ATP10B: variants seen among roughly 807,000 people sequenced by gnomAD.
ATP10B encodes ATPase phospholipid transporting 10B (putative).
Under a neutral mutation model 141.2 loss-of-function variants are expected in ATP10B, and 122 were observed. The observed-to-expected ratio is 0.86, with a 90% CI of 0.75 to 1.00. The LOEUF is 1.00. Among genes scored for constraint, ATP10B ranks in the 50% least tolerant of loss-of-function variants. ATP10B has a pLI of 0.00. For missense variants in ATP10B, 1,876 were observed against 1,825.3 expected (o/e 1.03, Z -0.51); for synonymous variants, 685 against 692.0 (o/e 0.99, Z 0.16).
intron 2 of ATP10B, among the ~76,000 whole-genome samples, chr5:160,763,154 C>A (rs1364004601): frequency 2.0e-5 from 3 of 152,050 alleles, no homozygotes; most frequent in Admixed American, 1.3e-4. Flanking sequence ...CTAGACGGGA[C>A]ATCAAGACAA....
intron 2 of ATP10B, among the ~76,000 whole-genome samples, chr5:160,744,931 A>T (rs1767703472): frequency 6.6e-6 from 1 of 152,138 alleles, no homozygotes; most frequent in African/African-American, 2.4e-5. Context: ...CAGGGTGAGG[A>T]GCTGAGCAGC....
rs752867864 is a variant in ATP10B at position 160,620,384 on chromosome 5, G to A, written c.2379C>T (p.Asp793=). Residue 793 remains aspartate, a synonymous_variant, in exon 15 of 26, where the codon GAC becomes GAT. Coordinates refer to ENST00000327245, the MANE Select transcript of ATP10B (RefSeq NM_025153.3). The part of the protein sequence containing the change: ...GEIVVYTKGA[D]SVIMDLLEDP... ...CTTCCAGCAGGTCCATGATGACCGA[G>A]TCAGCACCCTTGGTGTAGACAACAA... 2 of 1,613,824 alleles carry A rather than the reference G, an allele frequency of 1.2e-6. No homozygotes were observed.
At chr5:160,701,042 T>A (rs1164965776) in intron 3 of ATP10B, among the ~76,000 whole-genome samples, 1 of 152,204 alleles carries the variant, frequency 6.6e-6, no homozygotes, top group East Asian at 1.9e-4. Flanking sequence ...CTGGACCCAT[T>A]GCCACACACC....
chr5:160,759,326 AT>A (rs1218199556), intron 2 of ATP10B, among the ~76,000 whole-genome samples: 1 of 152,210 alleles, frequency 6.6e-6, no homozygotes, highest in Non-Finnish European at 1.5e-5. Context: ...TGGAATGACG[AT>A]TGACATTTTG....
the ATP10B span, among the ~76,000 whole-genome samples, chr5:160,863,431 C>T: frequency 6.6e-6 from 1 of 151,818 alleles, no homozygotes; most frequent in Non-Finnish European, 1.5e-5. Flanking sequence ...GAGACACAAC[C>T]TATCAAAACC....
At chr5:160,819,323 T>C (rs73303796) in intron 1 of ATP10B, among the ~76,000 whole-genome samples, 4,571 of 152,202 alleles carry the variant, frequency 0.03, 182 homozygotes, top group East Asian at 0.17. Context: ...GTAGTATATC[T>C]GGCAAAAATA....
chr5:160,903,218 C>A, the ATP10B span, among the ~76,000 whole-genome samples: 1 of 152,092 alleles, frequency 6.6e-6, no homozygotes, highest in East Asian at 1.9e-4. Flanking sequence ...AGATCAGACC[C>A]AAGACTGGAA....
At chr5:160,812,990 A>T (rs1032825597) in intron 1 of ATP10B, among the ~76,000 whole-genome samples, 2 of 152,248 alleles carry the variant, frequency 1.3e-5, no homozygotes, top group Admixed American at 1.3e-4. Flanking sequence ...TAATAAAGAA[A>T]GAATCTTGAG....
At chr5:160,654,941 G>A (rs768692143) in intron 7 of ATP10B, among the ~76,000 whole-genome samples, 5 of 152,116 alleles carry the variant, frequency 3.3e-5, no homozygotes, top group Admixed American at 6.6e-5. Flanking sequence ...CAGCAAAGCC[G>A]GACAACAGGC....
At chr5:160,717,181 C>T (rs914178488) in intron 2 of ATP10B, 147 bp from the exon 3 acceptor site, 2 of 513,292 alleles carry the variant, frequency 3.9e-6, no homozygotes, top group African/African-American at 4.2e-5. Flanking sequence ...AGTAGAAAAA[C>T]ATGTGTGGAA....
At chr5:160,871,948 T>G in the ATP10B span, among the ~76,000 whole-genome samples, 1 of 152,184 alleles carries the variant, frequency 6.6e-6, no homozygotes, top group Admixed American at 6.5e-5. Context: ...AGTTCTACTT[T>G]TAGTTATTTA....
At chr5:160,677,889 AG>A (rs1561742020) in intron 6 of ATP10B, among the ~76,000 whole-genome samples, 2 of 152,334 alleles carry the variant, frequency 1.3e-5, no homozygotes, top group East Asian at 3.9e-4. Context: ...TGTTATTCAG[AG>A]GAAATATTAG....
At chr5:160,900,710 A>C in the ATP10B span, among the ~76,000 whole-genome samples, 1 of 152,212 alleles carries the variant, frequency 6.6e-6, no homozygotes, top group African/African-American at 2.4e-5. Context: ...ATGTACATTA[A>C]GATTAGGCCA....
intron 3 of ATP10B, among the ~76,000 whole-genome samples, chr5:160,705,342 CT>C (rs1458426753): frequency 6.6e-6 from 1 of 152,176 alleles, no homozygotes; most frequent in East Asian, 1.9e-4. Flanking sequence ...CTACCTCAGC[CT>C]CCCAAGTTGC....
At chr5:160,572,589 G>C (rs1463237017) in intron 24 of ATP10B, among the ~76,000 whole-genome samples, 2 of 152,144 alleles carry the variant, frequency 1.3e-5, no homozygotes, top group Non-Finnish European at 2.9e-5. Context: ...AGAGGACTGA[G>C]TGTTCAATCA....
intron 22 of ATP10B, among the ~76,000 whole-genome samples, chr5:160,592,751 CAGG>C (rs1756405076): frequency 6.6e-6 from 1 of 152,236 alleles, no homozygotes; most frequent in Admixed American, 6.5e-5. Context: ...AATGGCGCAC[CAGG>C]AGATTATATC....
chr5:160,720,962 T>C (rs761636843), intron 2 of ATP10B, among the ~76,000 whole-genome samples: 1 of 152,260 alleles, frequency 6.6e-6, no homozygotes, highest in Non-Finnish European at 1.5e-5. Context: ...CAGTGAATAA[T>C]TGGCATAAGA....
the ATP10B span, among the ~76,000 whole-genome samples, chr5:160,858,021 T>C: frequency 3.5e-4 from 53 of 152,116 alleles, no homozygotes; most frequent in Middle Eastern, 3.4e-3. Flanking sequence ...TTAATCTGTT[T>C]TATTTGATGT....
At chr5:160,623,268 G>A (rs1451653330) in intron 13 of ATP10B, among the ~76,000 whole-genome samples, 2 of 152,202 alleles carry the variant, frequency 1.3e-5, no homozygotes, top group African/African-American at 4.8e-5. Context: ...AGCTCACAAT[G>A]AAGTCTCTTT....
Sources: allele counts gnomAD v4.1 joint callset (sites outside exome capture counted in the v4.1 genomes callset), GRCh38; gene constraint gnomAD v4.1.1; transcripts MANE v1.5; gene names NCBI Gene and HGNC (gene_info 2026-07-23, HGNC 2026-07-21).